The following ZNF148 variants were observed in gnomAD, a reference collection of about 807,000 sequenced individuals.
ZNF148 encodes the protein zinc finger protein 148, also known as Beta-Enolase Repressor Factor-1.
ZNF148 carries 7 observed loss-of-function variants against 67.7 expected under a neutral mutation model. The observed-to-expected ratio is 0.10, with a 90% CI of 0.06 to 0.19. ZNF148 has a LOEUF of 0.19. Ranked by LOEUF, ZNF148 falls within the 10% of genes least tolerant of loss-of-function variation. ZNF148 has a pLI of 1.00. For missense variants in ZNF148, 583 were observed against 947.1 expected, an observed-to-expected ratio of 0.62 and a Z score of 5.05; for synonymous variants, 333 against 330.7, an observed-to-expected ratio of 1.01 and a Z score of -0.08.
rs188216146 is a variant in ZNF148 at position 125,346,630 on chromosome 3, C to T, written c.-233-15392G>A. Among the ~76,000 whole-genome samples, 27 of 152,266 alleles carry T rather than the reference C, an allele frequency of 1.8e-4. No homozygotes were observed. The East Asian group carries it at 5.2e-3, about 29-fold the overall frequency. ...ATTCTCATGATAGTGAATGAGTTCT[C>T]AAAAGATGTGATGGTTTTATAAGCA... On this transcript the variant is annotated intron_variant, in intron 1 of 8. Transcript: ENST00000360647.
intron 7 of ZNF148, among the ~76,000 whole-genome samples, chr3:125,242,045 C>T (rs1466682411): frequency 6.6e-6 from 1 of 152,102 alleles, no homozygotes; most frequent in African/African-American, 2.4e-5. Flanking sequence ...TTTTGTAGTT[C>T]CAGGTTTTTT....
intron 4 of ZNF148, among the ~76,000 whole-genome samples, chr3:125,291,575 C>T (rs1184893199): frequency 6.6e-6 from 1 of 152,048 alleles, no homozygotes; most frequent in Admixed American, 6.6e-5. Flanking sequence ...ATTCCATTCC[C>T]ACCCATTTTC....
At chr3:125,291,740 A>G (rs1939026140) in intron 4 of ZNF148, among the ~76,000 whole-genome samples, 2 of 152,166 alleles carry the variant, frequency 1.3e-5, no homozygotes, top group South Asian at 2.1e-4. Context: ...AACATTTTAA[A>G]AGAATAATCT....
At chr3:125,293,765 G>T (rs1469716343) in intron 4 of ZNF148, among the ~76,000 whole-genome samples, 4 of 152,090 alleles carry the variant, frequency 2.6e-5, no homozygotes, top group Admixed American at 2.6e-4. Flanking sequence ...CAGCTACAAG[G>T]AACATCAATA....
In ZNF148 at chr3:125,288,198, C is replaced by T. The variant is rs1938808288; in HGVS notation, c.364G>A (p.Asp122Asn). The T allele has an allele frequency of 1.2e-6, 2 of 1,613,286 alleles. No individual in the cohort carries two copies. The highest frequency in any genetic ancestry group is 2.7e-5 in the African/African-American group (2 of 74,842). ...TCTCTCATCAGTTGCTCAGATACAT[C>T]AGTAAAAGTAATTTCCTGCTTTACG... ...ISVKQEITFT[D>N]VSEQLMRDKK... The change falls in exon 5 of 9, where the codon GAT becomes AAT. Residue 122 changes from aspartate to asparagine, a missense_variant. Physicochemically the swap from Asp to Asn is conservative, Grantham distance 23. Transcript: ENST00000360647.
At chr3:125,255,934 TA>T (rs902952395) in intron 7 of ZNF148, among the ~76,000 whole-genome samples, 8 of 152,082 alleles carry the variant, frequency 5.3e-5, no homozygotes, top group Non-Finnish European at 1.2e-4. Flanking sequence ...GTTCGTTTTT[TA>T]AAAAAAATTT....
intron 1 of ZNF148, among the ~76,000 whole-genome samples, chr3:125,367,628 C>CTCATTCAT (rs577193105): frequency 3.3e-5 from 5 of 152,256 alleles, no homozygotes; most frequent in African/African-American, 4.8e-5. Flanking sequence ...TCTCAAATAT[C>CTCATTCAT]TCATTCATTC....
intron 7 of ZNF148, among the ~76,000 whole-genome samples, chr3:125,241,749 T>C (rs1291931508): frequency 6.6e-6 from 1 of 152,232 alleles, no homozygotes; most frequent in Non-Finnish European, 1.5e-5. Context: ...TATATGCAGG[T>C]ATATTTGTGG....
intron 7 of ZNF148, among the ~76,000 whole-genome samples, chr3:125,258,318 G>A (rs549539450): frequency 3.2e-4 from 48 of 150,528 alleles, no homozygotes; most frequent in South Asian, 1.3e-3. Flanking sequence ...CCAGCTACTC[G>A]GGAGGCTGAG....
chr3:125,309,658 C>T (rs565678964), intron 4 of ZNF148, among the ~76,000 whole-genome samples: 3 of 152,172 alleles, frequency 2.0e-5, no homozygotes, highest in African/African-American at 2.4e-5. Flanking sequence ...CAAAAAAGTA[C>T]ATTTTAGCTG....
chr3:125,297,980 T>C (rs1401984313), intron 4 of ZNF148, among the ~76,000 whole-genome samples: 2 of 152,122 alleles, frequency 1.3e-5, no homozygotes. Context: ...CTAGAATAAA[T>C]GAAATTCACC....
At chr3:125,294,012 C>T (rs1939155924) in intron 4 of ZNF148, among the ~76,000 whole-genome samples, 1 of 152,168 alleles carries the variant, frequency 6.6e-6, no homozygotes, top group Non-Finnish European at 1.5e-5. Context: ...ATCAAGGTTA[C>T]TATCACCAGT....
chr3:125,341,584 G>A (rs534592175), intron 1 of ZNF148, among the ~76,000 whole-genome samples: 12 of 151,494 alleles, frequency 7.9e-5, no homozygotes, highest in African/African-American at 2.7e-4. Context: ...TCACACCACT[G>A]CACTACTGCC....
intron 1 of ZNF148, among the ~76,000 whole-genome samples, chr3:125,363,815 A>G (rs1389109642): frequency 6.6e-6 from 1 of 151,756 alleles, no homozygotes; most frequent in Admixed American, 6.6e-5. Context: ...ATGCCCCGCT[A>G]ATTTTTTTAT....
chr3:125,300,791 G>A (rs1939544046), intron 4 of ZNF148, among the ~76,000 whole-genome samples: 1 of 59,786 alleles, frequency 1.7e-5, no homozygotes, highest in South Asian at 3.9e-4. Flanking sequence ...GATGAATGCA[G>A]CATACATCAC....
chr3:125,354,767 T>C (rs1285601156), intron 1 of ZNF148, among the ~76,000 whole-genome samples: 6 of 152,252 alleles, frequency 3.9e-5, no homozygotes, highest in South Asian at 2.1e-4. Context: ...GTGGTCTTTT[T>C]AAATTTTTCA....
chr3:125,292,659 T>C (rs1204879092), intron 4 of ZNF148: 1 of 152,158 alleles, frequency 6.6e-6, no homozygotes, highest in Non-Finnish European at 1.5e-5. Context: ...ATGTTTAAAG[T>C]CGGGAGAATA....
At chr3:125,321,548 T>A (rs892507543) in intron 3 of ZNF148, among the ~76,000 whole-genome samples, 5 of 152,172 alleles carry the variant, frequency 3.3e-5, no homozygotes, top group African/African-American at 1.2e-4. Context: ...ATACTTATCA[T>A]CTGTTTTGTA....
chr3:125,308,539 AAC>A (rs1491252252), intron 4 of ZNF148, among the ~76,000 whole-genome samples: 11,883 of 129,738 alleles, frequency 0.092, 1,357 homozygotes, highest in African/African-American at 0.29. Flanking sequence ...AAAAAAAAAA[AAC>A]AAAAACCTAA....
Sources: allele counts gnomAD v4.1 joint callset (sites outside exome capture counted in the v4.1 genomes callset), GRCh38; gene constraint gnomAD v4.1.1; transcripts MANE v1.5; gene names NCBI Gene and HGNC (gene_info 2026-07-23, HGNC 2026-07-21).